The following ARHGAP35 variants were observed in gnomAD, a reference collection of about 807,000 sequenced individuals.
ARHGAP35 encodes rho GTPase-activating protein 35.
In ARHGAP35, 15 loss-of-function variants were observed where a neutral mutation model predicts 111.1. The observed-to-expected ratio is 0.13, with a 90% CI of 0.09 to 0.21. The LOEUF (loss-of-function observed/expected upper bound fraction) is 0.21, where lower values mean the gene tolerates loss of function less well. ARHGAP35 is among the 10% of genes least tolerant of loss of function. ARHGAP35 has a pLI of 1.00. For synonymous variants in ARHGAP35, 643 were observed against 710.3 expected (o/e 0.91, Z 1.51); for missense variants, 1,262 against 1,873.0 (o/e 0.67, Z 6.02).
chr19:46,895,100 T>G (rs192607909), intron 1 of ARHGAP35, among the ~76,000 whole-genome samples: 1 of 152,080 alleles, frequency 6.6e-6, no homozygotes, highest in African/African-American at 2.4e-5. Context: ...ATACTTTCTG[T>G]GTAAATAGAA....
In ARHGAP35 at chr19:46,907,028, T is replaced by C. The variant is rs918384388; in HGVS notation, c.-188-11460T>C. 2.0e-5 allele frequency among the ~76,000 whole-genome samples: 3 copies of C among 152,170 alleles called. No individual in the cohort carries two copies. In the East Asian group the frequency reaches 5.8e-4, roughly 29 times the overall value. On this transcript the variant is annotated intron_variant, in intron 1 of 6. Coordinates refer to ENST00000672722, the MANE Select transcript of ARHGAP35 (RefSeq NM_004491.5). ...CACTTGATCCTGGGGAGGTTGAGGC[T>C]GCAGTGAGTTGTGATTATATCATAC...
rs550809982 is a variant in ARHGAP35, at chr19:46,908,298, A to G, written c.-188-10190A>G. Among the ~76,000 whole-genome samples, 2 of 152,346 alleles carry G rather than the reference A, an allele frequency of 1.3e-5. No individual in the cohort carries two copies. The highest frequency in any genetic ancestry group is 3.9e-4 in the East Asian group (2 of 5,192). On this transcript the variant is annotated intron_variant, in intron 1 of 6. Transcript: ENST00000672722. The surrounding 1 kb of genome is among the most constrained non-coding windows in gnomAD (Gnocchi z 4.2). ...TGTAAAATTGGTCTTAATGCCAGGA[A>G]ATTTCAAAGGTAAGACTCGGCTGTT...
intron 3 of ARHGAP35, among the ~76,000 whole-genome samples, chr19:46,965,675 G>C (rs2056511161): frequency 6.6e-6 from 1 of 152,026 alleles, no homozygotes; most frequent in Admixed American, 6.6e-5. Flanking sequence ...TGTAGAGATG[G>C]GGTTTCGCCA....
rs11449203 is a variant in ARHGAP35, at chr19:46,956,956, CTTT to C, written c.3826+19567_3826+19569del. On this transcript the variant is annotated intron_variant, in intron 3 of 6. Transcript: ENST00000672722. ...TATCATTAGCTGTTCTTAAAGCAGACTTTTTTTTTTTTTTTTTTTTTGAGACGG... is the reference window on the plus strand; with the variant it reads ...TATCATTAGCTGTTCTTAAAGCAGACTTTTTTTTTTTTTTTTTTGAGACGG... Among the ~76,000 whole-genome samples the C allele has an allele frequency of 6.9e-3, 747 of 107,536 alleles. 4 individuals are homozygous for C. Among genetic ancestry groups the C allele is most frequent in the African/African-American group, 0.025 (685 of 27,330 alleles). The allele number at this position is 107,536 out of a possible 152,430, so 70.5% of individuals were successfully genotyped here.
intron 1 of ARHGAP35, among the ~76,000 whole-genome samples, chr19:46,882,829 AACTC>A (rs1174242873): frequency 1.3e-5 from 2 of 152,178 alleles, no homozygotes; most frequent in African/African-American, 4.8e-5. Context: ...AAAGGACATG[AACTC>A]ACTCTTTTTT....
chr19:46,897,642 A>G (rs1437532566), intron 1 of ARHGAP35, among the ~76,000 whole-genome samples: 1 of 151,912 alleles, frequency 6.6e-6, no homozygotes, highest in Non-Finnish European at 1.5e-5. Flanking sequence ...CAAGAAAGGT[A>G]AACTGTGTTC....
Position 46,939,412 on chromosome 19 carries a change from T to A in ARHGAP35, c.3826+2004T>A, listed in dbSNP as rs970674175. On this transcript the variant is annotated intron_variant, in intron 3 of 6. Coordinates refer to ENST00000672722, the MANE Select transcript of ARHGAP35 (RefSeq NM_004491.5). ...TTATTTATTTATTTATTTATTTATT[T>A]ATTATTTAATTTTTTTAGATGGAGT... Among the ~76,000 whole-genome samples, 6 of 125,990 alleles carry A rather than the reference T, an allele frequency of 4.8e-5. No individual in the cohort carries two copies. The South Asian group carries it at 1.5e-3, about 31-fold the overall frequency. 82.7% of individuals were successfully genotyped at this position (125,990 alleles called of 152,430 possible).
rs111316754 is a variant in ARHGAP35 at position 46,899,737 on chromosome 19, A to C, written c.-188-18751A>C. Reference sequence around the variant, plus strand: ...AACAAAAACAAAAACAAAAAAAAAAAGAAGAAGATTAACCCATAGCACTTT... The same window carrying C: ...AACAAAAACAAAAACAAAAAAAAAACGAAGAAGATTAACCCATAGCACTTT... On this transcript the variant is annotated intron_variant, in intron 1 of 6. Coordinates refer to ENST00000672722, the MANE Select transcript of ARHGAP35 (RefSeq NM_004491.5). 1.7e-4 allele frequency among the ~76,000 whole-genome samples: 26 copies of C among 151,768 alleles called. 1 individual carries two copies. Among genetic ancestry groups the C allele is most frequent in the African/African-American group, 6.0e-4 (25 of 41,454 alleles).
chr19:46,952,607 T>G (rs527850150), intron 3 of ARHGAP35, among the ~76,000 whole-genome samples: 1 of 152,384 alleles, frequency 6.6e-6, no homozygotes, highest in South Asian at 2.1e-4. Context: ...GTTCTTCCTC[T>G]GCAAAATGCA....
intron 1 of ARHGAP35, among the ~76,000 whole-genome samples, chr19:46,890,158 G>C (rs1461879440): frequency 1.3e-5 from 2 of 152,156 alleles, no homozygotes; most frequent in East Asian, 3.8e-4. Flanking sequence ...TTACTTTACT[G>C]TTCTAGATTG....
At chr19:46,880,413 C>T (rs2055955228) in intron 1 of ARHGAP35, among the ~76,000 whole-genome samples, 1 of 152,116 alleles carries the variant, frequency 6.6e-6, no homozygotes, top group Non-Finnish European at 1.5e-5. Context: ...GCCTGGGCAA[C>T]GAGTGAAACT....
chr19:46,981,757 T>TG (rs1245331476), intron 3 of ARHGAP35, among the ~76,000 whole-genome samples: 1 of 152,214 alleles, frequency 6.6e-6, no homozygotes, highest in Non-Finnish European at 1.5e-5. Flanking sequence ...TCCTAGTCCA[T>TG]GGGGAAGTCC....
chr19:46,925,053 C>T (rs576140100), intron 2 of ARHGAP35, among the ~76,000 whole-genome samples: 146 of 152,230 alleles, frequency 9.6e-4, no homozygotes, highest in Middle Eastern at 6.8e-3. Flanking sequence ...GCTGGGTCAG[C>T]GTGCAAGAAG....
At chr19:46,964,101 C>T (rs1284561716) in intron 3 of ARHGAP35, among the ~76,000 whole-genome samples, 1 of 152,028 alleles carries the variant, frequency 6.6e-6, no homozygotes. Context: ...CTCCTGACCT[C>T]AGGTGATCCA....
At position 46,945,717 on chromosome 19, in the gene ARHGAP35, C is replaced by A. The variant is rs370124469; in HGVS notation, c.3826+8309C>A. On this transcript the variant is annotated intron_variant, in intron 3 of 6. Transcript: ENST00000672722. The surrounding 1 kb of genome is among the most constrained non-coding windows in gnomAD (Gnocchi z 4.1). ...GCTGTGTGTGTTCCCGGGTCCCCAG[C>A]CTCTCCTCAGCCTCACTTGCTATTT... Among the ~76,000 whole-genome samples the A allele has an allele frequency of 2.4e-4, 36 of 152,292 alleles. No homozygotes were observed. The highest frequency in any genetic ancestry group is 8.4e-4 in the African/African-American group (35 of 41,564).
Position 46,918,416 on chromosome 19 carries a change from GTAGT to G in ARHGAP35, c.-188-69_-188-66del, listed in dbSNP as rs2056175827. On this transcript the variant is annotated intron_variant, in intron 1 of 6. Coordinates refer to ENST00000672722, the MANE Select transcript of ARHGAP35 (RefSeq NM_004491.5). This position sits in a 1 kb window ranked among gnomAD's most constrained non-coding sequence, Gnocchi z 5.4. ...GTTGAATAAAAAATTAATTTTTACT[GTAGT>G]TAATTGATTAAAATTTGGTTCTAAA... Among the ~76,000 whole-genome samples, 1 of 152,130 alleles carries G rather than the reference GTAGT, an allele frequency of 6.6e-6. No individual in the cohort carries two copies. The highest frequency in any genetic ancestry group is 1.5e-5 in the Non-Finnish European group (1 of 68,024).
intron 3 of ARHGAP35, among the ~76,000 whole-genome samples, chr19:46,974,874 G>C (rs1267231883): frequency 6.6e-6 from 1 of 151,978 alleles, no homozygotes; most frequent in Non-Finnish European, 1.5e-5. Flanking sequence ...TTGGTTGGAA[G>C]GGGCTTGTTT....
Position 47,000,535 on chromosome 19 carries a change from C to T in ARHGAP35, c.4347C>T (p.Pro1449=). The change falls in exon 7 of 7, where the codon CCC becomes CCT. Residue 1449 remains proline, a synonymous_variant. Coordinates refer to ENST00000672722, the MANE Select transcript of ARHGAP35 (RefSeq NM_004491.5). The surrounding 1 kb of genome is among the most constrained non-coding windows in gnomAD (Gnocchi z 6.9). ...TCACCGAGCCCCCCGGCGCCAGGCC[C>T]AGCTCCCCCTCTGCCGTGGCTTCCA... ...RPITEPPGAR[P]SSPSAVASTV... 6.2e-7 allele frequency: 1 copy of T among 1,613,540 alleles called. No homozygotes were observed.
intron 3 of ARHGAP35, among the ~76,000 whole-genome samples, chr19:46,962,638 G>A (rs997652033): frequency 2.6e-5 from 4 of 152,052 alleles, no homozygotes; most frequent in African/African-American, 7.2e-5. Flanking sequence ...ATGGAGTCTC[G>A]CTTTGTCGCC....
Sources: allele counts gnomAD v4.1 joint callset (sites outside exome capture counted in the v4.1 genomes callset), GRCh38; gene constraint gnomAD v4.1.1; non-coding constraint Gnocchi (gnomAD v3.1); transcripts MANE v1.5; gene names NCBI Gene and HGNC (gene_info 2026-07-23, HGNC 2026-07-21).